OTUD7A: variants seen among roughly 807,000 people sequenced by gnomAD.
OTUD7A encodes OTU domain-containing protein 7A.
Under a neutral mutation model 65.7 loss-of-function variants are expected in OTUD7A, and 12 were observed. The ratio of observed to expected loss-of-function variants is 0.18; its 90% CI spans 0.12 to 0.30. OTUD7A has a LOEUF of 0.30. OTUD7A is among the 10% of genes least tolerant of loss of function. The pLI, the probability that OTUD7A is intolerant of heterozygous loss-of-function variation, is 1.00. For synonymous variants in OTUD7A, 641 were observed against 586.3 expected, an observed-to-expected ratio of 1.09 and a Z score of -1.35; for missense variants, 1,148 against 1,304.8, an observed-to-expected ratio of 0.88 and a Z score of 1.85.
At chr15:31,817,509 G>A (rs1896580984) in intron 1 of OTUD7A, among the ~76,000 whole-genome samples, 2 of 152,182 alleles carry the variant, frequency 1.3e-5, no homozygotes, top group African/African-American at 4.8e-5. Context: ...TATAGAATAA[G>A]TATCTCTCCT....
At chr15:31,807,997 C>T (rs949128667) in intron 1 of OTUD7A, among the ~76,000 whole-genome samples, 8 of 151,578 alleles carry the variant, frequency 5.3e-5, no homozygotes, top group Admixed American at 4.6e-4. Context: ...TTGAAGTTAG[C>T]GACACTCAGA....
chr15:31,508,054 CA>C (rs1362025326), intron 8 of OTUD7A, among the ~76,000 whole-genome samples: 18 of 151,928 alleles, frequency 1.2e-4, no homozygotes, highest in Admixed American at 1.2e-3. Flanking sequence ...TATGATAGAG[CA>C]AGCATTAAAG....
Position 31,703,258 on chromosome 15 carries a change from A to T in OTUD7A, c.-99-46181T>A, listed in dbSNP as rs558060761. 5.9e-5 allele frequency among the ~76,000 whole-genome samples: 9 copies of T among 152,324 alleles called. No homozygotes were observed. In the East Asian group the frequency reaches 1.5e-3, roughly 26 times the overall value. On this transcript the variant is annotated intron_variant, in intron 1 of 12. Transcript: ENST00000307050. ...TGATCCATAAAAGTAAAAATTGATA[A>T]ACTTGAACTTTTTGTTCTGTGAAAG...
intron 3 of OTUD7A, among the ~76,000 whole-genome samples, chr15:31,618,176 C>G (rs949611362): frequency 6.6e-6 from 1 of 152,110 alleles, no homozygotes; most frequent in African/African-American, 2.4e-5. Flanking sequence ...TCCAGTCTAT[C>G]ATTGATGGAC....
intron 1 of OTUD7A, among the ~76,000 whole-genome samples, chr15:31,869,925 A>G (rs1897980702): frequency 6.6e-6 from 1 of 152,178 alleles, no homozygotes; most frequent in Admixed American, 6.5e-5. Context: ...CTCTGGGTTC[A>G]CAGCCAAATT....
chr15:31,831,787 T>C (rs1376433857), intron 1 of OTUD7A, among the ~76,000 whole-genome samples: 1 of 152,142 alleles, frequency 6.6e-6, no homozygotes, highest in Non-Finnish European at 1.5e-5. Flanking sequence ...GGTGAGGCAA[T>C]GGAATGCAGA....
chr15:31,512,930 T>C (rs545088070), intron 8 of OTUD7A, among the ~76,000 whole-genome samples: 2 of 152,346 alleles, frequency 1.3e-5, no homozygotes, highest in East Asian at 3.9e-4. Context: ...TATTTTTAAC[T>C]AGATGGGGAG....
intron 3 of OTUD7A, among the ~76,000 whole-genome samples, chr15:31,599,955 A>C (rs28857331): frequency 0.071 from 10,843 of 152,206 alleles, 883 homozygotes; most frequent in African/African-American, 0.21. Flanking sequence ...AAGAATGAAA[A>C]GGAATGAACA....
intron 3 of OTUD7A, among the ~76,000 whole-genome samples, chr15:31,618,150 T>A (rs1890654737): frequency 6.6e-6 from 1 of 152,174 alleles, no homozygotes; most frequent in Non-Finnish European, 1.5e-5. Context: ...GGTGTATATG[T>A]GCCACATTTT....
In OTUD7A at chr15:31,682,171, GAAC is replaced by G. The variant is rs367979306; in HGVS notation, c.-99-25097_-99-25095del. 1.9e-4 allele frequency among the ~76,000 whole-genome samples: 29 copies of G among 152,300 alleles called. No individual in the cohort carries two copies. The East Asian group carries it at 5.4e-3, about 28-fold the overall frequency. On this transcript the variant is annotated intron_variant, in intron 1 of 12. Transcript: ENST00000307050. The stretch of plus-strand genomic sequence containing the variant: ...GGAACAGGGTCCATGTAGACCTGGA[GAAC>G]AACAGAGCCAGGACACAGTCAAAAA...
At position 31,767,975 on chromosome 15, in the gene OTUD7A, A is replaced by G. The variant is rs553423270; in HGVS notation, c.-100+102532T>C. ...ATCTTCAATTATACGATTCTTAAGA[A>G]ATTTCCTCAACAGTTGTTGCCTTGT... is the stretch of plus-strand genomic sequence containing the variant. On this transcript the variant is annotated intron_variant, in intron 1 of 12. Transcript: ENST00000307050. 1.1e-4 allele frequency: 175 copies of G among 1,570,692 alleles called. No homozygotes were observed. In the South Asian group the frequency reaches 1.8e-3, roughly 16 times the overall value.
chr15:31,535,020 G>A (rs1207456120), intron 5 of OTUD7A, among the ~76,000 whole-genome samples: 1 of 152,184 alleles, frequency 6.6e-6, no homozygotes, highest in Non-Finnish European at 1.5e-5. Flanking sequence ...TGTCTAAGGG[G>A]CCATGGAGCA....
chr15:31,646,543 C>A (rs1315202068), intron 3 of OTUD7A, among the ~76,000 whole-genome samples: 2 of 151,630 alleles, frequency 1.3e-5, no homozygotes, highest in African/African-American at 2.4e-5. Context: ...TCACTGCAAC[C>A]TCTGCCTCCT....
intron 1 of OTUD7A, among the ~76,000 whole-genome samples, chr15:31,760,022 CTT>C (rs974843534): frequency 7.2e-5 from 11 of 152,172 alleles, no homozygotes; most frequent in African/African-American, 2.7e-4. Flanking sequence ...GGAAATTTCA[CTT>C]TGTTATTCCC....
intron 1 of OTUD7A, among the ~76,000 whole-genome samples, chr15:31,859,137 T>G (rs909570985): frequency 8.5e-5 from 13 of 152,262 alleles, no homozygotes; most frequent in African/African-American, 2.9e-4. Flanking sequence ...GATTTCCTTC[T>G]GCATGGCTGT....
At chr15:31,628,357 C>T (rs1891030489) in intron 3 of OTUD7A, among the ~76,000 whole-genome samples, 1 of 152,168 alleles carries the variant, frequency 6.6e-6, no homozygotes, top group Non-Finnish European at 1.5e-5. Context: ...GGAATCCTTT[C>T]CCCATTGCTT....
At chr15:31,787,935 T>C (rs1004454152) in intron 1 of OTUD7A, among the ~76,000 whole-genome samples, 2 of 152,226 alleles carry the variant, frequency 1.3e-5, no homozygotes, top group African/African-American at 2.4e-5. Flanking sequence ...ATCAAAGAAT[T>C]TGTAACATGC....
intron 3 of OTUD7A, among the ~76,000 whole-genome samples, chr15:31,600,490 C>A (rs1170525991): frequency 1.3e-5 from 2 of 152,196 alleles, no homozygotes; most frequent in Non-Finnish European, 2.9e-5. Flanking sequence ...CAGCCGGTAC[C>A]AGCCACTGCA....
At chr15:31,524,090 CTGTT>C (rs1440569210) in intron 8 of OTUD7A, among the ~76,000 whole-genome samples, 6 of 152,232 alleles carry the variant, frequency 3.9e-5, no homozygotes, top group African/African-American at 1.4e-4. Context: ...AGAAGCAACT[CTGTT>C]TGGTAGATTC....
Sources: gnomAD v4.1 joint callset for allele counts (sites outside exome capture counted in the v4.1 genomes callset) on GRCh38, gnomAD v4.1.1 for gene constraint, MANE v1.5 for transcripts, NCBI Gene and HGNC (gene_info 2026-07-23, HGNC 2026-07-21) for gene names.